The following BAZ2B variants were observed in gnomAD, a reference collection of about 807,000 sequenced individuals.
BAZ2B encodes the protein bromodomain adjacent to zinc finger domain protein 2B.
Under a neutral mutation model 246.0 loss-of-function variants are expected in BAZ2B, and 91 were observed. The observed-to-expected ratio is 0.37, with a 90% CI of 0.31 to 0.44. BAZ2B has a LOEUF of 0.44. BAZ2B is among the 20% of genes least tolerant of loss of function. BAZ2B has a pLI of 1.00. For synonymous variants in BAZ2B, 855 were observed against 860.0 expected, an observed-to-expected ratio of 0.99 and a Z score of 0.10; for missense variants, 2,332 against 2,533.7, an observed-to-expected ratio of 0.92 and a Z score of 1.71.
intron 2 of BAZ2B, among the ~76,000 whole-genome samples, chr2:159,502,564 A>G (rs748516440): frequency 5.3e-5 from 8 of 151,974 alleles, no homozygotes; most frequent in Non-Finnish European, 1.0e-4. Context: ...AGCCTGGGAG[A>G]CTGAGGCTGC....
chr2:159,665,120 A>G, the BAZ2B span, among the ~76,000 whole-genome samples: 1 of 118,734 alleles, frequency 8.4e-6, no homozygotes, highest in Non-Finnish European at 1.7e-5. Flanking sequence ...AAGAGAATAA[A>G]ATACCTAGGA....
the BAZ2B span, among the ~76,000 whole-genome samples, chr2:159,643,447 A>G: frequency 1.3e-5 from 2 of 152,244 alleles, no homozygotes; most frequent in East Asian, 3.9e-4. Flanking sequence ...TACAGGCCCC[A>G]TTTCCAAAAA....
At chr2:159,391,743 A>G (rs998615954) in intron 20 of BAZ2B, among the ~76,000 whole-genome samples, 4 of 151,280 alleles carry the variant, frequency 2.6e-5, no homozygotes, top group Admixed American at 2.0e-4. Flanking sequence ...TCCACTTGAA[A>G]AAGTAAAATA....
chr2:159,666,243 AT>A, the BAZ2B span, among the ~76,000 whole-genome samples: 9 of 123,310 alleles, frequency 7.3e-5, no homozygotes, highest in African/African-American at 2.0e-4. Flanking sequence ...AATTTATTAT[AT>A]TTTTTTATGA....
rs1418954689 is a variant in BAZ2B, at chr2:159,438,358, T to C, written c.1238A>G (p.Asn413Ser). ...VPSPDVLKAGNKNTSEESSLL... is the reference protein window; with the variant it reads ...VPSPDVLKAGSKNTSEESSLL... Reference sequence around the variant, plus strand: ...ACTAGATTCTTCAGAGGTATTTTTATTCCCTGCTTTAAGAACATCAGGAGA... The same window carrying C: ...ACTAGATTCTTCAGAGGTATTTTTACTCCCTGCTTTAAGAACATCAGGAGA... Residue 413 changes from asparagine (N) to serine (S), a missense_variant, in exon 8 of 37, where the codon AAT (asparagine) becomes AGT (serine). Asn to Ser is a conservative substitution (Grantham distance 46, BLOSUM62 1). Around this residue, in one of 9 missense-constraint regions of BAZ2B, gnomAD observed 651 missense variants for 650.9 expected, o/e 1.00. Coordinates refer to ENST00000392783, the MANE Select transcript of BAZ2B (RefSeq NM_013450.4). 6.2e-7 allele frequency: 1 copy of C among 1,614,116 alleles called. No homozygotes were observed. Among genetic ancestry groups the C allele is most frequent in the South Asian group, 1.1e-5 (1 of 91,080 alleles).
chr2:159,684,814 CTA>C, the BAZ2B span, among the ~76,000 whole-genome samples: 1 of 152,162 alleles, frequency 6.6e-6, no homozygotes, highest in African/African-American at 2.4e-5. Flanking sequence ...CAATGGCATT[CTA>C]TGATATAGAA....
At chr2:159,348,973 A>G (rs778214539) in intron 29 of BAZ2B, 34 bp downstream of exon 29, 1 of 1,604,248 alleles carries the variant, frequency 6.2e-7, no homozygotes, top group South Asian at 1.1e-5. Context: ...ATTGAAATTG[A>G]GTAAGTGGCT....
intron 27 of BAZ2B, among the ~76,000 whole-genome samples, chr2:159,361,302 A>T (rs939574901): frequency 5.9e-5 from 9 of 152,244 alleles, no homozygotes; most frequent in African/African-American, 2.2e-4. Context: ...ATATGAATAG[A>T]CACTTCTCAA....
At chr2:159,427,320 G>T (rs2070126140) in intron 13 of BAZ2B, among the ~76,000 whole-genome samples, 1 of 152,044 alleles carries the variant, frequency 6.6e-6, no homozygotes, top group African/African-American at 2.4e-5. Context: ...GGTTCTTTTT[G>T]CTGACTGGTG....
the BAZ2B span, among the ~76,000 whole-genome samples, chr2:159,634,497 G>GCTTT: frequency 6.6e-6 from 1 of 152,146 alleles, no homozygotes. Flanking sequence ...GAATAATTGT[G>GCTTT]CTTTCATATT....
the BAZ2B span, among the ~76,000 whole-genome samples, chr2:159,672,911 G>A: frequency 7.9e-5 from 12 of 152,220 alleles, no homozygotes; most frequent in African/African-American, 2.6e-4. Context: ...TACAAAGAGT[G>A]AAAGAAAACA....
At chr2:159,348,547 G>A (rs1040409647) in intron 30 of BAZ2B, 131 bp downstream of exon 30, 84 of 1,073,660 alleles carry the variant, frequency 7.8e-5, no homozygotes, top group Middle Eastern at 6.3e-4. Flanking sequence ...TTTGATCTGC[G>A]ATTGGTTGAA....
intron 2 of BAZ2B, among the ~76,000 whole-genome samples, chr2:159,513,941 A>G (rs544352765): frequency 6.6e-6 from 1 of 152,092 alleles, no homozygotes; most frequent in South Asian, 2.1e-4. Context: ...AATGACAACC[A>G]TTCATTTCCC....
upstream of BAZ2B, among the ~76,000 whole-genome samples, chr2:159,617,403 T>C (rs376998057): frequency 5.9e-5 from 9 of 151,994 alleles, no homozygotes; most frequent in African/African-American, 1.4e-4. Flanking sequence ...CCCCATCCTA[T>C]AGATTCCTAA....
At chr2:159,709,377 T>C in the BAZ2B span, among the ~76,000 whole-genome samples, 1 of 152,206 alleles carries the variant, frequency 6.6e-6, no homozygotes, top group Non-Finnish European at 1.5e-5. Flanking sequence ...GAGTAAGTTC[T>C]AATGTTTGAT....
At chr2:159,598,642 G>A (rs993977118) in intron 1 of BAZ2B, among the ~76,000 whole-genome samples, 1 of 152,022 alleles carries the variant, frequency 6.6e-6, no homozygotes, top group African/African-American at 2.4e-5. Context: ...AAGGTCAGGA[G>A]TTTGAGACCA....
At chr2:159,362,217 C>T (rs943426867) in intron 27 of BAZ2B, among the ~76,000 whole-genome samples, 2 of 152,096 alleles carry the variant, frequency 1.3e-5, no homozygotes, top group African/African-American at 4.8e-5. Context: ...TTTCTTCTTT[C>T]CCACTTCCCT....
chr2:159,604,118 G>C (rs576210654), intron 1 of BAZ2B, among the ~76,000 whole-genome samples: 1 of 152,244 alleles, frequency 6.6e-6, no homozygotes, highest in East Asian at 1.9e-4. Context: ...ATGATTAACT[G>C]TAAGAAGGAA....
At chr2:159,705,463 T>A in the BAZ2B span, among the ~76,000 whole-genome samples, 2 of 152,226 alleles carry the variant, frequency 1.3e-5, no homozygotes, top group Admixed American at 1.3e-4. Flanking sequence ...AGTTTAGTTT[T>A]CAGAATAGAA....
Sources: allele counts gnomAD v4.1 joint callset (sites outside exome capture counted in the v4.1 genomes callset), GRCh38; gene constraint gnomAD v4.1.1; regional missense constraint gnomAD v4.1.1; transcripts MANE v1.5; gene names NCBI Gene and HGNC (gene_info 2026-07-23, HGNC 2026-07-21).